The following ADK variants were observed in gnomAD, a reference collection of about 807,000 sequenced individuals.
ADK encodes the protein N6,N6-dimethyladenosine kinase.
Under a neutral mutation model 44.7 loss-of-function variants are expected in ADK, and 24 were observed. That is an observed-to-expected ratio of 0.54 (90% CI 0.39 to 0.76). ADK has a LOEUF of 0.76. ADK is among the 30% of genes least tolerant of loss of function. The pLI is 0.00. For synonymous variants in ADK, 128 were observed against 142.6 expected, an observed-to-expected ratio of 0.90 and a Z score of 0.73; for missense variants, 321 against 425.1, an observed-to-expected ratio of 0.76 and a Z score of 2.15.
At chr10:74,595,176 CAAAAAAA>C (rs781407492) in intron 8 of ADK, among the ~76,000 whole-genome samples, 2 of 29,608 alleles carry the variant, frequency 6.8e-5, no homozygotes, top group Non-Finnish European at 1.4e-4. Context: ...AACTCCATCT[CAAAAAAA>C]AAAAAAAAAA....
intron 2 of ADK, among the ~76,000 whole-genome samples, chr10:74,206,911 C>T (rs951229282): frequency 2.0e-5 from 3 of 152,148 alleles, no homozygotes; most frequent in African/African-American, 7.2e-5. Context: ...CTGAGGTTTG[C>T]TTGTGCCTGC....
At chr10:74,543,049 TGCCACCACCCAC>T (rs1849699291) in intron 7 of ADK, among the ~76,000 whole-genome samples, 1 of 151,898 alleles carries the variant, frequency 6.6e-6, no homozygotes, top group Admixed American at 6.6e-5. Flanking sequence ...TACAGGTGCC[TGCCACCACCCAC>T]GGTTAATTTT....
intron 7 of ADK, among the ~76,000 whole-genome samples, chr10:74,530,116 T>C (rs557384148): frequency 1.6e-4 from 24 of 152,248 alleles, no homozygotes; most frequent in African/African-American, 5.8e-4. Flanking sequence ...ATAGGGATAA[T>C]AAAAATTATA....
chr10:74,219,605 A>G lies in ADK; in HGVS notation c.141-4933A>G, dbSNP rs199964125. 5.5e-3 allele frequency among the ~76,000 whole-genome samples: 831 copies of G among 152,184 alleles called. 20 individuals are homozygous for G. In the East Asian group the frequency reaches 0.077, roughly 14 times the overall value. ...CACACCACACCTATTCCAAAATTGA[A>G]CACATAGTTGGAAGTAAAGCTCTCC... On this transcript the variant is annotated intron_variant, in intron 2 of 10. Transcript: ENST00000539909.
intron 6 of ADK, among the ~76,000 whole-genome samples, chr10:74,408,563 TTCTGGGCAC>T (rs1047805138): frequency 8.5e-5 from 13 of 152,064 alleles, no homozygotes; most frequent in Admixed American, 8.5e-4. Context: ...AATGTGAGGG[TTCTGGGCAC>T]TGACCCCTTC....
At chr10:74,202,872 T>C (rs1384408214) in intron 2 of ADK, among the ~76,000 whole-genome samples, 1 of 152,252 alleles carries the variant, frequency 6.6e-6, no homozygotes, top group Admixed American at 6.5e-5. Context: ...AGCTAGCATA[T>C]GATTTGCAAA....
chr10:74,577,637 TA>T (rs1010120478), intron 7 of ADK, among the ~76,000 whole-genome samples: 15 of 151,172 alleles, frequency 9.9e-5, no homozygotes, highest in East Asian at 7.7e-4. Flanking sequence ...TTTGTTACAT[TA>T]AAAAAAAATT....
intron 9 of ADK, among the ~76,000 whole-genome samples, chr10:74,653,312 C>T (rs1381644423): frequency 6.6e-6 from 1 of 152,000 alleles, no homozygotes; most frequent in African/African-American, 2.4e-5. Context: ...ACTAGTTGGG[C>T]TTGGTGGTGG....
At chr10:74,153,605 T>G (rs1841672686) in intron 1 of ADK, among the ~76,000 whole-genome samples, 1 of 152,254 alleles carries the variant, frequency 6.6e-6, no homozygotes, top group Admixed American at 6.5e-5. Flanking sequence ...CATTATACTA[T>G]GTGCTCTATA....
At chr10:74,470,904 T>A (rs1281786777) in intron 6 of ADK, among the ~76,000 whole-genome samples, 14 of 151,990 alleles carry the variant, frequency 9.2e-5, no homozygotes. Context: ...CTTCTTGGAG[T>A]TGTGTAGTTT....
chr10:74,561,426 G>GA (rs1850453079), intron 7 of ADK, among the ~76,000 whole-genome samples: 1 of 152,164 alleles, frequency 6.6e-6, no homozygotes, highest in Admixed American at 6.5e-5. Context: ...TGAGGTGAGG[G>GA]AAGATGATGA....
chr10:74,532,853 G>C (rs2133681669), intron 7 of ADK, among the ~76,000 whole-genome samples: 1 of 146,646 alleles, frequency 6.8e-6, no homozygotes, highest in South Asian at 2.2e-4. Context: ...CCAGGAGGCG[G>C]AGGTTGCGAT....
rs975272992 is a variant in ADK, at chr10:74,200,747, GTT to G, written c.66-14_66-13del. 3 of 1,571,464 alleles carry G rather than the reference GTT, an allele frequency of 1.9e-6. No homozygotes were observed. The highest frequency in any genetic ancestry group is 2.6e-6 in the Non-Finnish European group (3 of 1,142,662). ...ACTTTTAGAAGTATTTCTAACTTGT[GTT>G]TTGTGTTTTTTTAGAGAAAATATTC... On this transcript the variant is annotated splice_polypyrimidine_tract_variant and intron_variant, in intron 1 of 10. Coordinates refer to ENST00000539909, the MANE Select transcript of ADK (RefSeq NM_006721.4).
intron 4 of ADK, among the ~76,000 whole-genome samples, chr10:74,350,905 A>G (rs893521362): frequency 1.3e-5 from 2 of 152,346 alleles, no homozygotes; most frequent in Non-Finnish European, 1.5e-5. Flanking sequence ...GAATAGACCA[A>G]TAACAAGTTC....
At chr10:74,588,513 T>C (rs1307844699) in intron 7 of ADK, among the ~76,000 whole-genome samples, 3 of 152,230 alleles carry the variant, frequency 2.0e-5, no homozygotes, top group African/African-American at 7.2e-5. Flanking sequence ...CTATCCTCTG[T>C]ATTTCTTATA....
chr10:74,635,431 T>A (rs1483727573), intron 9 of ADK, among the ~76,000 whole-genome samples: 1 of 152,186 alleles, frequency 6.6e-6, no homozygotes, highest in African/African-American at 2.4e-5. Context: ...TAAGAGTATA[T>A]ACTATGTGAT....
intron 3 of ADK, among the ~76,000 whole-genome samples, chr10:74,314,083 T>A (rs1840537086): frequency 1.3e-5 from 2 of 152,112 alleles, no homozygotes; most frequent in Admixed American, 1.3e-4. Flanking sequence ...AGTACTGTTA[T>A]ACTTTTGTTT....
intron 7 of ADK, among the ~76,000 whole-genome samples, chr10:74,548,218 T>TC (rs1334916706): frequency 6.6e-6 from 1 of 152,186 alleles, no homozygotes; most frequent in Non-Finnish European, 1.5e-5. Context: ...TGTTTTCTTT[T>TC]CAGTATTGCA....
intron 7 of ADK, among the ~76,000 whole-genome samples, chr10:74,567,699 G>GTTTT (rs56042541): frequency 1.8e-5 from 2 of 112,382 alleles, no homozygotes; most frequent in Non-Finnish European, 3.5e-5. Context: ...TGTTTTTTTT[G>GTTTT]TTTTTTTTTT....
Sources: gnomAD v4.1 joint callset for allele counts (sites outside exome capture counted in the v4.1 genomes callset) on GRCh38, gnomAD v4.1.1 for gene constraint, MANE v1.5 for transcripts, NCBI Gene and HGNC (gene_info 2026-07-23, HGNC 2026-07-21) for gene names.